The following TET2 variants were observed in gnomAD, a reference collection of about 807,000 sequenced individuals.
The protein encoded by TET2 is tet methylcytosine dioxygenase 2.
A neutral mutation model predicts 142.9 loss-of-function variants in TET2; 299 were observed. That is an observed-to-expected ratio of 2.09 (90% CI 1.90 to 2.30). The LOEUF (loss-of-function observed/expected upper bound fraction) is 2.30, where lower values mean the gene tolerates loss of function less well. Ranked by LOEUF, TET2 falls within the 30% of genes most tolerant of loss-of-function variation. The pLI, the probability that TET2 is intolerant of heterozygous loss-of-function variation, is 0.00. For missense variants in TET2, 2,418 were observed against 2,378.0 expected, an observed-to-expected ratio of 1.02 and a Z score of -0.35; for synonymous variants, 819 against 849.0, an observed-to-expected ratio of 0.96 and a Z score of 0.61.
In TET2 at chr4:105,164,247, G is replaced by A. The variant is rs181965660; in HGVS notation, c.-193+17268G>A. Among the ~76,000 whole-genome samples the A allele has an allele frequency of 2.0e-4, 31 of 152,202 alleles. 1 individual carries two copies. Among genetic ancestry groups the A allele is most frequent in the Admixed American group, 9.2e-4 (14 of 15,278 alleles). ...TGTTACTCTCTGCGTTTATGAGTTCGACTTCTTTAGATTCCACATATAAGT... is the reference window on the plus strand; with the variant it reads ...TGTTACTCTCTGCGTTTATGAGTTCAACTTCTTTAGATTCCACATATAAGT... On this transcript the variant is annotated intron_variant, in intron 1 of 10. Coordinates refer to ENST00000380013, the MANE Select transcript of TET2 (RefSeq NM_001127208.3).
chr4:105,261,762 GA>G lies in TET2; in HGVS notation c.3959del (p.Glu1320GlyfsTer43). On this transcript the variant is annotated frameshift_variant, in exon 8 of 11. Transcript: ENST00000380013. LOFTEE classifies it high-confidence loss of function. ...TAGAATTATTCACTTTATACAGGAA[GA>G]GAAACTGGAGTCTCATTTGCAAAAC... ...KLLGDDPKEE[E>X]KLESHLQNLS... The G allele has an allele frequency of 6.5e-7, 1 of 1,540,606 alleles. No homozygotes were observed. Among genetic ancestry groups the G allele is most frequent in the Non-Finnish European group, 8.8e-7 (1 of 1,138,060 alleles).
chr4:105,273,433 G>T (rs1199433766), intron 10 of TET2, among the ~76,000 whole-genome samples: 1 of 152,206 alleles, frequency 6.6e-6, no homozygotes, highest in Non-Finnish European at 1.5e-5. Context: ...GGCCAAATTA[G>T]TAGAGGAGCT....
intron 6 of TET2, among the ~76,000 whole-genome samples, chr4:105,245,890 A>C (rs1302409816): frequency 1.3e-5 from 2 of 152,242 alleles, no homozygotes; most frequent in Admixed American, 6.5e-5. Context: ...TTCTTTTCAA[A>C]AATAGTCCTA....
At chr4:105,172,149 TTAAA>T (rs1219615061) in intron 1 of TET2, among the ~76,000 whole-genome samples, 1 of 152,116 alleles carries the variant, frequency 6.6e-6, no homozygotes, top group African/African-American at 2.4e-5. Flanking sequence ...ATCACAGACC[TTAAA>T]TAAATACAGT....
At chr4:105,158,481 AC>A (rs1723674502) in intron 1 of TET2, among the ~76,000 whole-genome samples, 1 of 152,172 alleles carries the variant, frequency 6.6e-6, no homozygotes, top group South Asian at 2.1e-4. Flanking sequence ...GTAAAATGCT[AC>A]TTTTTTTTCC....
At chr4:105,177,376 C>T (rs1423485737) in intron 1 of TET2, among the ~76,000 whole-genome samples, 1 of 152,210 alleles carries the variant, frequency 6.6e-6, no homozygotes, top group African/African-American at 2.4e-5. Context: ...GCAAAAGATA[C>T]TTCTCATAAA....
chr4:105,197,766 A>C (rs1726177768), intron 2 of TET2, among the ~76,000 whole-genome samples: 1 of 152,244 alleles, frequency 6.6e-6, no homozygotes, highest in African/African-American at 2.4e-5. Flanking sequence ...ACAAAATAAA[A>C]TCATATATTC....
In TET2 at chr4:105,180,789, G is replaced by C. The variant is rs984745704; in HGVS notation, c.-192-9571G>C. On this transcript the variant is annotated intron_variant, in intron 1 of 10. Coordinates refer to ENST00000380013, the MANE Select transcript of TET2 (RefSeq NM_001127208.3). ...CGGGTAGCTAGAATTACAGGCATGT[G>C]CCACCACACCTGGCTAATTCTGTAT... Among the ~76,000 whole-genome samples the C allele has an allele frequency of 2.0e-5, 3 of 152,046 alleles. 1 individual carries two copies. Among genetic ancestry groups the C allele is most frequent in the African/African-American group, 7.2e-5 (3 of 41,392 alleles).
rs1262006922 is a variant in TET2, at chr4:105,235,012, G to T, written c.1070G>T (p.Ser357Ile). The change falls in exon 3 of 11, where the codon AGC becomes ATC. Residue 357 changes from serine (S) to isoleucine (I), a missense_variant. Transcript: ENST00000380013. ...ASGEEFCSGS[S>I]SNLQAPGGSS... ...GGTGAAGAATTCTGTTCAGGTTCCAGCAGCAATTTGCAAGCTCCTGGTGGC... is the reference window on the plus strand; with the variant it reads ...GGTGAAGAATTCTGTTCAGGTTCCATCAGCAATTTGCAAGCTCCTGGTGGC... 2 of 1,613,980 alleles carry T rather than the reference G, an allele frequency of 1.2e-6. No individual in the cohort carries two copies. The highest frequency in any genetic ancestry group is 1.7e-6 in the Non-Finnish European group (2 of 1,180,016).
chr4:105,193,804 A>G (rs930260355), intron 2 of TET2, among the ~76,000 whole-genome samples: 2 of 152,228 alleles, frequency 1.3e-5, no homozygotes, highest in African/African-American at 2.4e-5. Flanking sequence ...TAAGGCAACT[A>G]AAGTTCATTT....
At chr4:105,243,143 G>A (rs556318166) in intron 5 of TET2, among the ~76,000 whole-genome samples, 52 of 152,268 alleles carry the variant, frequency 3.4e-4, no homozygotes, top group African/African-American at 1.3e-3. Context: ...ATGAGGAAGA[G>A]GTCCATTCTA....
At chr4:105,219,467 A>C (rs896657672) in intron 2 of TET2, among the ~76,000 whole-genome samples, 2 of 152,140 alleles carry the variant, frequency 1.3e-5, no homozygotes, top group South Asian at 2.1e-4. Flanking sequence ...ACAGTACAGT[A>C]CATAATTGCC....
intron 3 of TET2, chr4:105,237,663 T>A (rs2110239561): frequency 7.1e-7 from 1 of 1,399,988 alleles, no homozygotes; most frequent in African/African-American, 1.4e-5. Flanking sequence ...TCTTTGTATA[T>A]TATCTCCTGG....
intron 2 of TET2, among the ~76,000 whole-genome samples, chr4:105,226,991 CA>C (rs1355529346): frequency 6.6e-6 from 1 of 151,768 alleles, no homozygotes; most frequent in East Asian, 1.9e-4. Context: ...TTCATTTTTT[CA>C]AAAGGAGGAA....
chr4:105,216,295 A>G (rs1433598314), intron 2 of TET2, among the ~76,000 whole-genome samples: 1 of 152,102 alleles, frequency 6.6e-6, no homozygotes, highest in Non-Finnish European at 1.5e-5. Flanking sequence ...CGGGGGGAGG[A>G]GAGTTAAAAT....
Position 105,277,635 on chromosome 4 carries a change from T to G in TET2, c.*1116T>G, listed in dbSNP as rs1731282453. ...AAATCCACCATGGGGCTTACTGGAT[T>G]CAAGGGAATACGTTAGTCCACAAAA... On this transcript the variant is annotated 3_prime_UTR_variant, in exon 11 of 11. Coordinates refer to ENST00000380013, the MANE Select transcript of TET2 (RefSeq NM_001127208.3). 4.4e-6 allele frequency: 1 copy of G among 229,660 alleles called. No homozygotes were observed. Among genetic ancestry groups the G allele is most frequent in the Admixed American group, 5.7e-5 (1 of 17,640 alleles). The allele number at this position is 229,660 out of a possible 1,614,324, so 14.2% of individuals were successfully genotyped here.
chr4:105,222,259 T>G (rs1727875997), intron 2 of TET2, among the ~76,000 whole-genome samples: 1 of 152,244 alleles, frequency 6.6e-6, no homozygotes, highest in Non-Finnish European at 1.5e-5. Flanking sequence ...CAAATGGTAT[T>G]TCTAGTTCTA....
At chr4:105,164,872 A>G (rs908769709) in intron 1 of TET2, among the ~76,000 whole-genome samples, 14 of 152,224 alleles carry the variant, frequency 9.2e-5, no homozygotes, top group African/African-American at 3.4e-4. Flanking sequence ...ATCAAGATAT[A>G]TATTATGAGC....
chr4:105,258,542 CTTT>C (rs1730257283), intron 6 of TET2, among the ~76,000 whole-genome samples: 1 of 151,962 alleles, frequency 6.6e-6, no homozygotes, highest in African/African-American at 2.4e-5. Context: ...TACTTTTAGG[CTTT>C]TTTAATGGGC....
Sources: allele counts gnomAD v4.1 joint callset (sites outside exome capture counted in the v4.1 genomes callset), GRCh38; gene constraint gnomAD v4.1.1; transcripts MANE v1.5; gene names NCBI Gene and HGNC (gene_info 2026-07-23, HGNC 2026-07-21).